DLG2: variants seen among roughly 807,000 people sequenced by gnomAD.
The protein encoded by DLG2 is discs large MAGUK scaffold protein 2.
A neutral mutation model predicts 132.5 loss-of-function variants in DLG2; 45 were observed. The ratio of observed to expected loss-of-function variants is 0.34; its 90% confidence interval spans 0.27 to 0.44. The LOEUF is 0.44. DLG2 is among the 20% of genes least tolerant of loss of function. DLG2 has a pLI of 1.00. For missense variants in DLG2, 1,045 were observed against 1,196.9 expected (o/e 0.87, Z 1.87); for synonymous variants, 424 against 419.6 (o/e 1.01, Z -0.13).
intron 6 of DLG2, among the ~76,000 whole-genome samples, chr11:84,713,471 G>C (rs1476587054): frequency 6.6e-6 from 1 of 152,074 alleles, no homozygotes; most frequent in African/African-American, 2.4e-5. Context: ...AATGTAAATA[G>C]CTGTCTCCTT....
rs185744697 is a variant in DLG2, at chr11:85,254,738, C to T, written c.186+30482G>A. On this transcript the variant is annotated intron_variant, in intron 4 of 27. Coordinates refer to ENST00000376104, the MANE Select transcript of DLG2 (RefSeq NM_001142699.3). ...GAATTAGGCTGGGCGTGGTGGCTCACGCCTGTAATCCCAGCACTCTGGGAG... is the reference window on the plus strand; with the variant it reads ...GAATTAGGCTGGGCGTGGTGGCTCATGCCTGTAATCCCAGCACTCTGGGAG... Among the ~76,000 whole-genome samples the T allele has an allele frequency of 1.9e-3, 285 of 152,210 alleles. 1 individual carries two copies. Among genetic ancestry groups the T allele is most frequent in the African/African-American group, 6.5e-3 (270 of 41,556 alleles).
chr11:84,417,924 C>T (rs1400160483), intron 7 of DLG2, among the ~76,000 whole-genome samples: 2 of 152,086 alleles, frequency 1.3e-5, no homozygotes, highest in Non-Finnish European at 2.9e-5. Context: ...TCCCTTAACC[C>T]GATTATACTC....
intron 6 of DLG2, among the ~76,000 whole-genome samples, chr11:84,915,533 A>G (rs980226594): frequency 6.6e-6 from 1 of 152,210 alleles, no homozygotes; most frequent in Non-Finnish European, 1.5e-5. Context: ...AATTCCAAAC[A>G]TATGCTATAT....
At chr11:84,925,649 A>G (rs1424121438) in intron 6 of DLG2, among the ~76,000 whole-genome samples, 2 of 152,184 alleles carry the variant, frequency 1.3e-5, no homozygotes, top group African/African-American at 4.8e-5. Flanking sequence ...GCTATAGTAG[A>G]AGAAAGTTAT....
At chr11:84,637,083 C>CG (rs1189628608) in intron 6 of DLG2, among the ~76,000 whole-genome samples, 3 of 152,002 alleles carry the variant, frequency 2.0e-5, no homozygotes, top group Non-Finnish European at 2.9e-5. Flanking sequence ...CCACTGTGCC[C>CG]GGCTGGGATG....
chr11:85,292,650 AAGGAAGGGAGGGAGGGAGGGAGGG>A (rs1329668708), intron 3 of DLG2, among the ~76,000 whole-genome samples: 516 of 29,072 alleles, frequency 0.018, 15 homozygotes, highest in African/African-American at 0.055. Flanking sequence ...GGAAGGAAGG[AAGGAAGGGAGGGAGGGAGGGAGGG>A]AGGGAGGGAG....
intron 6 of DLG2, among the ~76,000 whole-genome samples, chr11:84,666,793 A>C (rs559515437): frequency 3.3e-5 from 5 of 152,226 alleles, no homozygotes; most frequent in African/African-American, 1.2e-4. Context: ...TTCATGGCTG[A>C]AGAAATAAAG....
chr11:85,269,736 T>C (rs2077411141), intron 4 of DLG2, among the ~76,000 whole-genome samples: 1 of 152,192 alleles, frequency 6.6e-6, no homozygotes, highest in Non-Finnish European at 1.5e-5. Flanking sequence ...AGAAAAAGAA[T>C]TAAATGAAGG....
intron 2 of DLG2, among the ~76,000 whole-genome samples, chr11:85,613,988 C>T (rs565287806): frequency 2.6e-5 from 4 of 151,902 alleles, no homozygotes; most frequent in Admixed American, 6.6e-5. Flanking sequence ...TAACATGCAC[C>T]GCGAAGGTCT....
Position 85,285,207 on chromosome 11 carries a change from T to C in DLG2, c.186+13A>G. 1 of 1,607,920 alleles carries C rather than the reference T, an allele frequency of 6.2e-7. No individual in the cohort carries two copies. Among genetic ancestry groups the C allele is most frequent in the Non-Finnish European group, 8.5e-7 (1 of 1,176,684 alleles). ...AGTATTATTCAGTTCTTTTGGAAGT[T>C]TCAGTAGTATACCTCTGAAGATTTT... On this transcript the variant is annotated intron_variant, in intron 4 of 27. Coordinates refer to ENST00000376104, the MANE Select transcript of DLG2 (RefSeq NM_001142699.3).
At chr11:84,200,416 A>G (rs1342655918) in intron 8 of DLG2, among the ~76,000 whole-genome samples, 1 of 152,172 alleles carries the variant, frequency 6.6e-6, no homozygotes, top group Non-Finnish European at 1.5e-5. Flanking sequence ...ACTAGGTTTC[A>G]CTATGTAAAT....
intron 3 of DLG2, among the ~76,000 whole-genome samples, chr11:85,409,987 A>G (rs188786853): frequency 6.6e-6 from 1 of 152,014 alleles, no homozygotes; most frequent in East Asian, 1.9e-4. Context: ...ATTTGATCCT[A>G]GGTAGGGATG....
intron 6 of DLG2, among the ~76,000 whole-genome samples, chr11:84,625,994 G>C (rs2099621882): frequency 6.6e-6 from 1 of 152,130 alleles, no homozygotes; most frequent in Non-Finnish European, 1.5e-5. Context: ...CTTTGTCTTT[G>C]TCACCATTGT....
At chr11:84,323,405 G>T (rs2098415298) in intron 7 of DLG2, among the ~76,000 whole-genome samples, 1 of 152,052 alleles carries the variant, frequency 6.6e-6, no homozygotes, top group South Asian at 2.1e-4. Flanking sequence ...ATATTCTGTT[G>T]TATGTATATA....
intron 6 of DLG2, among the ~76,000 whole-genome samples, chr11:84,961,357 G>A (rs965866223): frequency 3.0e-4 from 46 of 151,910 alleles, no homozygotes; most frequent in Non-Finnish European, 1.9e-4. Flanking sequence ...AAAATACATG[G>A]TGTAAATACA....
At chr11:84,371,259 CTTTT>C (rs576166355) in intron 7 of DLG2, among the ~76,000 whole-genome samples, 1 of 137,704 alleles carries the variant, frequency 7.3e-6, no homozygotes, top group African/African-American at 2.8e-5. Flanking sequence ...TATACAAAAT[CTTTT>C]TTTTTTTTTT....
intron 6 of DLG2, among the ~76,000 whole-genome samples, chr11:85,072,872 G>C (rs1482648576): frequency 6.6e-6 from 1 of 151,822 alleles, no homozygotes; most frequent in African/African-American, 2.4e-5. Flanking sequence ...TTCATCATTT[G>C]ATAGCATCAA....
chr11:85,598,616 T>A lies in DLG2; in HGVS notation c.40+41A>T, dbSNP rs1448574977. ...ACATTATTCAAACTATCAAGCCCAATTCTGACCATTAAAATGATGAATAAC... is the reference window on the plus strand; with the variant it reads ...ACATTATTCAAACTATCAAGCCCAAATCTGACCATTAAAATGATGAATAAC... On this transcript the variant is annotated intron_variant, in intron 3 of 27. Transcript: ENST00000376104. 9 of 1,473,060 alleles carry A rather than the reference T, an allele frequency of 6.1e-6. 1 individual carries two copies. The highest frequency in any genetic ancestry group is 6.3e-6 in the Non-Finnish European group (7 of 1,105,254). 91.2% of individuals were successfully genotyped at this position (1,473,060 alleles called of 1,614,324 possible).
chr11:83,894,215 C>T (rs2070868658), intron 15 of DLG2, among the ~76,000 whole-genome samples: 1 of 152,168 alleles, frequency 6.6e-6, no homozygotes, highest in Non-Finnish European at 1.5e-5. Flanking sequence ...CAGCACTGTG[C>T]TAGGTAGTAT....
Sources: allele counts gnomAD v4.1 joint callset (sites outside exome capture counted in the v4.1 genomes callset), GRCh38; gene constraint gnomAD v4.1.1; transcripts MANE v1.5; gene names NCBI Gene and HGNC (gene_info 2026-07-23, HGNC 2026-07-21).